The following ASIC2 variants were observed in gnomAD, a reference collection of about 807,000 sequenced individuals.
ASIC2 encodes acid sensing ion channel subunit 2, also known as acid-sensing ion channel 2.
A neutral mutation model predicts 57.3 loss-of-function variants in ASIC2; 25 were observed. The ratio of observed to expected loss-of-function variants is 0.44; its 90% CI spans 0.32 to 0.61. ASIC2 has a LOEUF of 0.61. Among genes scored for constraint, ASIC2 ranks in the 20% least tolerant of loss-of-function variants. The pLI, the probability that ASIC2 is intolerant of heterozygous loss-of-function variation, is 0.06. For synonymous variants in ASIC2, 319 were observed against 307.5 expected (o/e 1.04, Z -0.39); for missense variants, 641 against 738.1 (o/e 0.87, Z 1.52).
chr17:33,495,985 A>G (rs1256149703), intron 1 of ASIC2, among the ~76,000 whole-genome samples: 2 of 152,212 alleles, frequency 1.3e-5, no homozygotes, highest in South Asian at 2.1e-4. Context: ...GAGACCATCA[A>G]TGTAGCCACA....
intron 1 of ASIC2, among the ~76,000 whole-genome samples, chr17:33,847,306 T>C (rs1913635864): frequency 6.6e-6 from 1 of 151,980 alleles, no homozygotes; most frequent in Non-Finnish European, 1.5e-5. Flanking sequence ...CACCCTGCTT[T>C]ATCCACCTCA....
intron 1 of ASIC2, among the ~76,000 whole-genome samples, chr17:33,972,983 C>T (rs1905265800): frequency 6.6e-6 from 1 of 152,212 alleles, no homozygotes; most frequent in Admixed American, 6.5e-5. Context: ...AGAACTAACC[C>T]AGGTCAGGTG....
rs975839201 is a variant in ASIC2, at chr17:33,668,215, C to T, written c.555+487763G>A. On this transcript the variant is annotated intron_variant, in intron 1 of 9. Coordinates refer to the ASIC2 transcript ENST00000359872. ...GAAGGCATCTTTAGAGCACAAGCTC[C>T]CCTTCTCCATTCTTTGGCCATTGAA... is the stretch of plus-strand genomic sequence containing the variant. 2.0e-4 allele frequency among the ~76,000 whole-genome samples: 31 copies of T among 151,572 alleles called. 1 individual carries two copies. Among genetic ancestry groups the T allele is most frequent in the African/African-American group, 7.3e-4 (30 of 41,180 alleles).
At chr17:33,280,020 A>G (rs1670193437) in intron 1 of ASIC2, among the ~76,000 whole-genome samples, 1 of 152,100 alleles carries the variant, frequency 6.6e-6, no homozygotes, top group Admixed American at 6.5e-5. Flanking sequence ...TAGAGATCTC[A>G]GCTACATCAT....
chr17:33,032,381 A>G (rs1169297909), intron 3 of ASIC2, among the ~76,000 whole-genome samples: 1 of 146,378 alleles, frequency 6.8e-6, no homozygotes, highest in African/African-American at 2.6e-5. Context: ...AATTCTATTT[A>G]TATTGCTTCT....
At chr17:33,561,534 A>G (rs559175400) in intron 1 of ASIC2, among the ~76,000 whole-genome samples, 1 of 152,332 alleles carries the variant, frequency 6.6e-6, no homozygotes, top group Admixed American at 6.5e-5. Context: ...CTGAACAGAA[A>G]CAAAACACAG....
intron 1 of ASIC2, among the ~76,000 whole-genome samples, chr17:33,832,393 C>T (rs1913142217): frequency 6.6e-6 from 1 of 152,206 alleles, no homozygotes; most frequent in African/African-American, 2.4e-5. Context: ...GACAGGGGAT[C>T]TCAGTATATC....
intron 1 of ASIC2, among the ~76,000 whole-genome samples, chr17:33,799,442 CTTTCTTTCT>C (rs1567719123): frequency 1.8e-4 from 12 of 68,202 alleles, no homozygotes; most frequent in African/African-American, 6.5e-4. Context: ...TTCTTTCTTT[CTTTCTTTCT>C]TTCTTTCTTT....
chr17:33,120,294 C>A (rs1302068434), intron 1 of ASIC2, among the ~76,000 whole-genome samples: 2 of 152,176 alleles, frequency 1.3e-5, no homozygotes, highest in Non-Finnish European at 2.9e-5. Flanking sequence ...ACAGCCGGGG[C>A]CTTTTCTGCT....
At chr17:33,540,777 T>A (rs969378298) in intron 1 of ASIC2, among the ~76,000 whole-genome samples, 1 of 152,188 alleles carries the variant, frequency 6.6e-6, no homozygotes, top group Non-Finnish European at 1.5e-5. Context: ...AGCACAGAGA[T>A]CAGCACACAG....
At chr17:33,097,791 G>C (rs1205855472) in intron 2 of ASIC2, among the ~76,000 whole-genome samples, 1 of 152,246 alleles carries the variant, frequency 6.6e-6, no homozygotes, top group Non-Finnish European at 1.5e-5. Context: ...ACACGGACCA[G>C]AGTCGCAGCC....
chr17:33,836,725 C>G (rs904924431), intron 1 of ASIC2, among the ~76,000 whole-genome samples: 1 of 151,910 alleles, frequency 6.6e-6, no homozygotes. Flanking sequence ...TGGTGGCATG[C>G]GCCTGTAATC....
rs759152603 is a variant in ASIC2 at position 33,164,091 on chromosome 17, C to T, written c.709-52024G>A. Among the ~76,000 whole-genome samples the T allele has an allele frequency of 2.6e-5, 4 of 152,306 alleles. No individual in the cohort carries two copies. The South Asian group carries it at 8.3e-4, about 32-fold the overall frequency. ...AGCACACATGTCCTGCCATAAAGCC[C>T]ATGCTGACACACTTTGCTGCTTCGC... is the stretch of plus-strand genomic sequence containing the variant. On this transcript the variant is annotated intron_variant, in intron 1 of 9. Transcript: ENST00000225823.
rs1907997780 is a variant in ASIC2, at chr17:34,039,007, C to CTCT, written c.555+116968_555+116970dup. The CTCT allele has an allele frequency of 2.5e-6, 4 of 1,614,202 alleles. No individual in the cohort carries two copies. In the East Asian group the frequency reaches 8.9e-5, roughly 36 times the overall value. Reference sequence around the variant, plus strand: ...GCCCAGTCTCAAGCGGTCTTGCATGCTCTTATCTCTACACGCCATCTTCTC... The same window carrying CTCT: ...GCCCAGTCTCAAGCGGTCTTGCATGCTCTTCTTATCTCTACACGCCATCTTCTC... On this transcript the variant is annotated intron_variant, in intron 1 of 9. Coordinates refer to the ASIC2 transcript ENST00000359872.
intron 1 of ASIC2, among the ~76,000 whole-genome samples, chr17:34,106,660 C>T (rs1911068995): frequency 6.6e-6 from 1 of 152,144 alleles, no homozygotes; most frequent in South Asian, 2.1e-4. Flanking sequence ...TCATTCATTA[C>T]TATCCTTAAT....
At chr17:33,612,055 C>T (rs774466240) in intron 1 of ASIC2, among the ~76,000 whole-genome samples, 11 of 152,152 alleles carry the variant, frequency 7.2e-5, no homozygotes, top group Non-Finnish European at 1.5e-4. Context: ...AGACTGATGT[C>T]CCAGCTTAAA....
chr17:33,833,714 A>G (rs972923601), intron 1 of ASIC2, among the ~76,000 whole-genome samples: 1 of 152,198 alleles, frequency 6.6e-6, no homozygotes, highest in Non-Finnish European at 1.5e-5. Context: ...TGTGTTTGAT[A>G]TGTATGAAGG....
At chr17:33,999,040 C>T (rs1327081905) in intron 1 of ASIC2, among the ~76,000 whole-genome samples, 4 of 152,010 alleles carry the variant, frequency 2.6e-5, no homozygotes, top group Non-Finnish European at 5.9e-5. Flanking sequence ...TTTAGGTGTT[C>T]CAATGTTGGA....
At chr17:33,388,130 CAAATT>C in intron 1 of ASIC2, among the ~76,000 whole-genome samples, 1 of 151,816 alleles carries the variant, frequency 6.6e-6, no homozygotes, top group South Asian at 2.1e-4. Flanking sequence ...ACAAAACAAA[CAAATT>C]AAAAAAACAA....
Sources: gnomAD v4.1 joint callset for allele counts (sites outside exome capture counted in the v4.1 genomes callset) on GRCh38, gnomAD v4.1.1 for gene constraint, MANE v1.5 for transcripts, NCBI Gene and HGNC (gene_info 2026-07-23, HGNC 2026-07-21) for gene names.